The following DOCK1 variants were observed in gnomAD, a reference collection of about 807,000 sequenced individuals.
The protein encoded by DOCK1 is dedicator of cytokinesis 1, also known as dedicator of cytokinesis protein 1.
Under a neutral mutation model 262.7 loss-of-function variants are expected in DOCK1, and 138 were observed. The ratio of observed to expected loss-of-function variants is 0.53; its 90% CI spans 0.46 to 0.61. The LOEUF (loss-of-function observed/expected upper bound fraction) is 0.61, where lower values mean the gene tolerates loss of function less well. Among genes scored for constraint, DOCK1 ranks in the 20% least tolerant of loss-of-function variants. The pLI is 0.00. For synonymous variants in DOCK1, 866 were observed against 867.4 expected (o/e 1.00, Z 0.03); for missense variants, 1,908 against 2,370.7 (o/e 0.80, Z 4.05).
intron 31 of DOCK1, among the ~76,000 whole-genome samples, chr10:127,347,119 C>A (rs2135788161): frequency 6.6e-6 from 1 of 152,366 alleles, no homozygotes; most frequent in East Asian, 1.9e-4. Flanking sequence ...ATAGCAAAAC[C>A]TGCATAAGAA....
chr10:126,977,999 C>T lies in DOCK1; in HGVS notation c.171+11C>T, dbSNP rs557376130. The T allele has an allele frequency of 3.9e-5, 63 of 1,613,172 alleles. No homozygotes were observed. The East Asian group carries it at 7.1e-4, about 18-fold the overall frequency. ...AAAAAGTCTAAGAAGGTAAGTCCTT[C>T]TTCTTAAACACAGTGCATGTCTCTT... On this transcript the variant is annotated intron_variant, in intron 3 of 51. Coordinates refer to ENST00000623213, the MANE Select transcript of DOCK1 (RefSeq NM_001290223.2).
intron 27 of DOCK1, among the ~76,000 whole-genome samples, chr10:127,178,374 A>G (rs1042547895): frequency 2.0e-5 from 3 of 152,214 alleles, no homozygotes; most frequent in Non-Finnish European, 4.4e-5. Flanking sequence ...TTCAGGATGG[A>G]TCATTTGCTG....
intron 20 of DOCK1, 59 bp from the exon 21 acceptor site, chr10:127,043,005 A>G (rs2044121624): frequency 1.5e-6 from 2 of 1,336,292 alleles, no homozygotes; most frequent in African/African-American, 1.5e-5. Context: ...GTTCTGATGA[A>G]GATTATAAAA....
intron 6 of DOCK1, among the ~76,000 whole-genome samples, chr10:126,994,370 G>A (rs145763481): frequency 0.017 from 2,522 of 152,144 alleles, 69 homozygotes; most frequent in African/African-American, 0.058. Flanking sequence ...TCTCCGAGAG[G>A]GGGATTTGGC....
intron 27 of DOCK1, among the ~76,000 whole-genome samples, chr10:127,167,259 T>G (rs533920998): frequency 6.6e-6 from 1 of 152,288 alleles, no homozygotes; most frequent in South Asian, 2.1e-4. Flanking sequence ...ATAACTTATA[T>G]TTGGGGTTTC....
chr10:127,140,164 C>T (rs927399691), intron 27 of DOCK1, among the ~76,000 whole-genome samples: 4 of 152,290 alleles, frequency 2.6e-5, no homozygotes, highest in South Asian at 2.1e-4. Flanking sequence ...AGTACAATTT[C>T]GGCTACCTGT....
chr10:127,340,125 A>G (rs1336282207), intron 30 of DOCK1, among the ~76,000 whole-genome samples: 2 of 152,168 alleles, frequency 1.3e-5, no homozygotes, highest in African/African-American at 4.8e-5. Flanking sequence ...ATAATTAGAT[A>G]ATAATATATC....
At chr10:126,944,759 CAA>C (rs1272205296) in intron 1 of DOCK1, among the ~76,000 whole-genome samples, 4,548 of 152,090 alleles carry the variant, frequency 0.03, 262 homozygotes, top group African/African-American at 0.1. Context: ...TGCAAAAAGA[CAA>C]GAGAGCTCTC....
chr10:127,209,846 C>T (rs898172774), intron 27 of DOCK1, among the ~76,000 whole-genome samples: 1 of 152,174 alleles, frequency 6.6e-6, no homozygotes, highest in Non-Finnish European at 1.5e-5. Flanking sequence ...TCACCTCTTC[C>T]TGTTAGCACA....
Position 127,437,998 on chromosome 10 carries a change from T to A in DOCK1, c.5061-1029T>A, listed in dbSNP as rs967498635. ...AGGCTCAGAGCTCCAAAGAGCAGGC[T>A]GTATTTTGAAAATGTAAGATCCTAG... On this transcript the variant is annotated intron_variant, in intron 48 of 51. Transcript: ENST00000623213. The surrounding 1 kb of genome is among the most constrained non-coding windows in gnomAD (Gnocchi z 4.4). Among the ~76,000 whole-genome samples, 3 of 152,236 alleles carry A rather than the reference T, an allele frequency of 2.0e-5. No individual in the cohort carries two copies. Among genetic ancestry groups the A allele is most frequent in the Non-Finnish European group, 2.9e-5 (2 of 68,048 alleles).
chr10:127,226,001 T>C (rs2058621695), intron 27 of DOCK1, among the ~76,000 whole-genome samples: 1 of 150,756 alleles, frequency 6.6e-6, no homozygotes, highest in South Asian at 2.1e-4. Flanking sequence ...TCGATTGAAC[T>C]TGGGAGGCAG....
intron 16 of DOCK1, among the ~76,000 whole-genome samples, chr10:127,027,996 G>T (rs375762807): frequency 1.8e-4 from 28 of 151,582 alleles, no homozygotes; most frequent in African/African-American, 6.8e-4. Flanking sequence ...GGCCCGGCCT[G>T]GGATGTGGCT....
At chr10:127,171,472 A>G (rs1415013432) in intron 27 of DOCK1, among the ~76,000 whole-genome samples, 1 of 152,164 alleles carries the variant, frequency 6.6e-6, no homozygotes, top group East Asian at 1.9e-4. Context: ...GACCTTAAGT[A>G]TAGTGTGGAA....
intron 35 of DOCK1, among the ~76,000 whole-genome samples, chr10:127,378,193 C>G (rs1027481561): frequency 6.6e-6 from 1 of 152,202 alleles, no homozygotes; most frequent in African/African-American, 2.4e-5. Context: ...TACTTCTCTT[C>G]ATAGCCCCTT....
intron 27 of DOCK1, among the ~76,000 whole-genome samples, chr10:127,226,397 G>A (rs773278126): frequency 1.1e-3 from 164 of 152,182 alleles, no homozygotes; most frequent in Non-Finnish European, 1.9e-3. Context: ...CGCTCATGGC[G>A]TCCTGTCTCT....
At chr10:126,946,477 C>T (rs953343599) in intron 1 of DOCK1, among the ~76,000 whole-genome samples, 3 of 152,148 alleles carry the variant, frequency 2.0e-5, no homozygotes, top group Admixed American at 6.5e-5. Context: ...ACCCGGAAGG[C>T]GGAGGTTGCA....
At chr10:127,169,538 G>A (rs1589747724) in intron 27 of DOCK1, among the ~76,000 whole-genome samples, 2 of 152,172 alleles carry the variant, frequency 1.3e-5, no homozygotes, top group Admixed American at 1.3e-4. Flanking sequence ...CCTATGGCTT[G>A]TGGCCCAAAT....
chr10:127,330,973 C>T (rs770324811), intron 29 of DOCK1, among the ~76,000 whole-genome samples: 1 of 152,150 alleles, frequency 6.6e-6, no homozygotes, highest in African/African-American at 2.4e-5. Context: ...CATCCTCCTT[C>T]GACTGGCCAG....
chr10:127,018,822 G>C lies in DOCK1; in HGVS notation c.1314G>C (p.Glu438Asp). The C allele has an allele frequency of 6.2e-7, 1 of 1,613,938 alleles. No homozygotes were observed. The highest frequency in any genetic ancestry group is 1.7e-5 in the Admixed American group (1 of 60,000). Residue 438 changes from glutamate (E) to aspartate (D), a missense_variant, in exon 13 of 52, where the codon GAG becomes GAC. Coordinates refer to ENST00000623213, the MANE Select transcript of DOCK1 (RefSeq NM_001290223.2). ...TAVARKTGFPEIIMPGDVRND... is the reference protein window; with the variant it reads ...TAVARKTGFPDIIMPGDVRND... ...TGGCTCGAAAAACAGGGTTTCCGGAGATAATCATGCCTGGTAAGAACTGGC... is the reference window on the plus strand; with the variant it reads ...TGGCTCGAAAAACAGGGTTTCCGGACATAATCATGCCTGGTAAGAACTGGC...
Sources: gnomAD v4.1 joint callset for allele counts (sites outside exome capture counted in the v4.1 genomes callset) on GRCh38, gnomAD v4.1.1 for gene constraint, Gnocchi (gnomAD v3.1) non-coding constraint, MANE v1.5 for transcripts, NCBI Gene and HGNC (gene_info 2026-07-23, HGNC 2026-07-21) for gene names.